Variants in JAZF1 observed in about 807,000 individuals in gnomAD.
JAZF1 encodes JAZF zinc finger 1, also known as juxtaposed with another zinc finger protein 1.
JAZF1 carries 8 observed loss-of-function variants against 26.4 expected under a neutral mutation model. The observed-to-expected ratio is 0.30, with a 90% CI of 0.18 to 0.55. The LOEUF is 0.55. JAZF1 is among the 20% of genes least tolerant of loss of function. The pLI is 0.94. For missense variants in JAZF1, 199 were observed against 322.0 expected, an observed-to-expected ratio of 0.62 and a Z score of 2.92; for synonymous variants, 126 against 122.3, an observed-to-expected ratio of 1.03 and a Z score of -0.20.
At chr7:28,038,124 G>A (rs1255585827) in intron 1 of JAZF1, among the ~76,000 whole-genome samples, 1 of 152,064 alleles carries the variant, frequency 6.6e-6, no homozygotes, top group Non-Finnish European at 1.5e-5. Flanking sequence ...AGAACCAATG[G>A]GCTAATGCAA....
chr7:28,124,275 C>T (rs915012383), intron 1 of JAZF1, among the ~76,000 whole-genome samples: 6 of 152,306 alleles, frequency 3.9e-5, no homozygotes, highest in South Asian at 2.1e-4. Context: ...GCAAGCCACA[C>T]AAAGAGGCCT....
intron 1 of JAZF1, among the ~76,000 whole-genome samples, chr7:28,091,933 T>C (rs1016235914): frequency 7.9e-5 from 12 of 152,222 alleles, no homozygotes; most frequent in African/African-American, 2.6e-4. Flanking sequence ...GGCAATAACA[T>C]TTCATGCAGT....
intron 1 of JAZF1, among the ~76,000 whole-genome samples, chr7:28,063,233 T>C (rs1783827758): frequency 6.6e-6 from 1 of 152,232 alleles, no homozygotes; most frequent in African/African-American, 2.4e-5. Context: ...TCTAAAACAT[T>C]TTAACAAGAA....
chr7:28,058,486 A>G (rs1453207490), intron 1 of JAZF1, among the ~76,000 whole-genome samples: 1 of 152,134 alleles, frequency 6.6e-6, no homozygotes, highest in African/African-American at 2.4e-5. Flanking sequence ...AGTCTCCTAC[A>G]AGTTCATCTT....
chr7:28,114,697 C>T (rs956902974), intron 1 of JAZF1, among the ~76,000 whole-genome samples: 2 of 150,492 alleles, frequency 1.3e-5, no homozygotes, highest in Admixed American at 6.7e-5. Flanking sequence ...TTGAGGTGCT[C>T]CCAGTCTGGT....
At chr7:28,049,763 C>A (rs1156409207) in intron 1 of JAZF1, among the ~76,000 whole-genome samples, 1 of 152,120 alleles carries the variant, frequency 6.6e-6, no homozygotes, top group South Asian at 2.1e-4. Flanking sequence ...ATAAAGGATA[C>A]AACTCAGGAA....
chr7:27,987,271 C>T lies in JAZF1; in HGVS notation c.188+4638G>A, dbSNP rs186313275. 9.8e-4 allele frequency among the ~76,000 whole-genome samples: 149 copies of T among 151,940 alleles called. 3 individuals are homozygous for T. The highest frequency in any genetic ancestry group is 3.4e-3 in the African/African-American group (142 of 41,406). ...GGGGAGCGCCTCTGCCCCGACGCCC[C>T]GTCTGGGATGTGAGGAGTGCCTCTG... is the stretch of plus-strand genomic sequence containing the variant. On this transcript the variant is annotated intron_variant, in intron 2 of 4. Transcript: ENST00000283928.
At chr7:28,172,477 A>G (rs1047681798) in intron 1 of JAZF1, among the ~76,000 whole-genome samples, 17 of 152,236 alleles carry the variant, frequency 1.1e-4, no homozygotes, top group Admixed American at 9.2e-4. Context: ...AGGCATATTC[A>G]TGTCAAATGA....
rs567779119 is a variant in JAZF1 at position 28,171,462 on chromosome 7, C to G, written c.115+9001G>C. Reference sequence around the variant, plus strand: ...TATTTTCATACCATTTCTGAAAACACGTCTTGGGGACGAGGATAGGATGAT... The same window carrying G: ...TATTTTCATACCATTTCTGAAAACAGGTCTTGGGGACGAGGATAGGATGAT... On this transcript the variant is annotated intron_variant, in intron 1 of 4. Transcript: ENST00000283928. 1.4e-4 allele frequency among the ~76,000 whole-genome samples: 21 copies of G among 152,244 alleles called. 1 individual carries two copies. The South Asian group carries it at 1.7e-3, about 12-fold the overall frequency.
intron 2 of JAZF1, among the ~76,000 whole-genome samples, chr7:27,898,304 T>TATATATAC (rs375859244): frequency 2.9e-4 from 37 of 128,900 alleles, no homozygotes; most frequent in East Asian, 7.0e-4. Flanking sequence ...TATATATATA[T>TATATATAC]ACATCGGTTT....
At chr7:27,925,988 T>G (rs1317609291) in intron 2 of JAZF1, among the ~76,000 whole-genome samples, 1 of 152,120 alleles carries the variant, frequency 6.6e-6, no homozygotes, top group Admixed American at 6.5e-5. Context: ...AGCTGAATAC[T>G]TGGAAGGAAG....
At chr7:27,929,007 C>T (rs1477081553) in intron 2 of JAZF1, among the ~76,000 whole-genome samples, 3 of 152,170 alleles carry the variant, frequency 2.0e-5, no homozygotes, top group Admixed American at 2.0e-4. Flanking sequence ...ACGATGCTCA[C>T]CTACAGGCTC....
intron 2 of JAZF1, among the ~76,000 whole-genome samples, chr7:27,911,545 G>T (rs1179398402): frequency 6.6e-6 from 1 of 152,184 alleles, no homozygotes; most frequent in Non-Finnish European, 1.5e-5. Flanking sequence ...GCCAAGGAAT[G>T]AAATTTATAA....
chr7:28,097,472 T>C (rs1236078779), intron 1 of JAZF1, among the ~76,000 whole-genome samples: 2 of 152,172 alleles, frequency 1.3e-5, no homozygotes, highest in Non-Finnish European at 2.9e-5. Flanking sequence ...CTGTATAAAT[T>C]AGTTAAGCCA....
Position 27,832,884 on chromosome 7 carries a change from G to A in JAZF1, c.648C>T (p.Tyr216=), listed in dbSNP as rs1782733858. The A allele has an allele frequency of 2.5e-6, 4 of 1,613,564 alleles. No individual in the cohort carries two copies. Among genetic ancestry groups the A allele is most frequent in the East Asian group, 2.2e-5 (1 of 44,866 alleles). ...GGTGCCGCAGGCCCTGAGCTGTCTTGTAACTCTTCCCACAGCGACACTTGA... is the reference window on the plus strand; with the variant it reads ...GGTGCCGCAGGCCCTGAGCTGTCTTATAACTCTTCCCACAGCGACACTTGA... ...KPFKCRCGKS[Y]KTAQGLRHHT... is the part of the protein sequence containing the mutation. Residue 216 remains tyrosine (Y), a synonymous_variant, in exon 5 of 5, where the codon TAC becomes TAT. Coordinates refer to ENST00000283928, the MANE Select transcript of JAZF1 (RefSeq NM_175061.4).
intron 3 of JAZF1, among the ~76,000 whole-genome samples, chr7:27,854,996 A>G (rs1783218613): frequency 6.6e-6 from 1 of 152,208 alleles, no homozygotes; most frequent in African/African-American, 2.4e-5. Context: ...TTTCAGGTAC[A>G]CCAATCAAAC....
At chr7:27,966,719 T>C (rs932977523) in intron 2 of JAZF1, among the ~76,000 whole-genome samples, 7 of 152,226 alleles carry the variant, frequency 4.6e-5, no homozygotes, top group Admixed American at 2.0e-4. Context: ...CATGCTTTTA[T>C]ATTAGTTAAA....
chr7:28,064,380 T>G (rs1001907468), intron 1 of JAZF1, among the ~76,000 whole-genome samples: 4 of 151,994 alleles, frequency 2.6e-5, no homozygotes, highest in Admixed American at 2.6e-4. Flanking sequence ...TATTCCAACA[T>G]GAGAGCAGAA....
chr7:27,909,562 C>T (rs998121678), intron 2 of JAZF1, among the ~76,000 whole-genome samples: 1 of 152,046 alleles, frequency 6.6e-6, no homozygotes, highest in Non-Finnish European at 1.5e-5. Flanking sequence ...ACAAAATTAG[C>T]CGGGCATGGT....
Sources: allele counts gnomAD v4.1 joint callset (sites outside exome capture counted in the v4.1 genomes callset), GRCh38; gene constraint gnomAD v4.1.1; transcripts MANE v1.5; gene names NCBI Gene and HGNC (gene_info 2026-07-23, HGNC 2026-07-21).